Variants in MAGEE2 observed in about 807,000 individuals in gnomAD.
MAGEE2 encodes the protein melanoma-associated antigen E2.
For missense variants in MAGEE2, 508 were observed against 391.1 expected (o/e 1.30, Z -2.52); for synonymous variants, 189 against 155.4 (o/e 1.22, Z -1.61).
In MAGEE2 at chrX:75,785,142, G is replaced by GC; in HGVS notation, c.-92dup. On this transcript the variant is annotated 5_prime_UTR_variant, in exon 1 of 1. Transcript: ENST00000373359. The stretch of plus-strand genomic sequence containing the variant: ...GTTGGTGCCTCGGCACAAAGCTGAA[G>GC]CCCGAGACCCTGGAGCTGGAAGGAT... 1.0e-6 allele frequency: 1 copy of GC among 961,086 alleles called. No individual in the cohort carries two copies. 79.2% of individuals were successfully genotyped at this position (961,086 alleles called of 1,213,427 possible).
chrX:75,784,000 T>A lies in MAGEE2; in HGVS notation c.1052A>T (p.Asn351Ile). The A allele has an allele frequency of 8.3e-7, 1 of 1,209,810 alleles. No individual in the cohort carries two copies. The highest frequency in any genetic ancestry group is 1.1e-6 in the Non-Finnish European group (1 of 895,515). The stretch of plus-strand genomic sequence containing the variant: ...AATTAGAGTAGCTCTATTGAGGATA[T>A]TTGGGAACACATCCTCAAATTCTTT... Reference protein sequence around the residue: ...TGKEFEDVFPNILNRATLILD... With the variant: ...TGKEFEDVFPIILNRATLILD... The change falls in exon 1 of 1, where the codon AAT (asparagine) becomes ATT (isoleucine). Residue 351 changes from asparagine to isoleucine, a missense_variant. Transcript: ENST00000373359.
At position 75,784,553 on chromosome X, in the gene MAGEE2, T is replaced by G; in HGVS notation, c.499A>C (p.Arg167=). 1 of 1,211,200 alleles carries G rather than the reference T, an allele frequency of 8.3e-7. No individual in the cohort carries two copies. Among genetic ancestry groups the G allele is most frequent in the Non-Finnish European group, 1.1e-6 (1 of 895,284 alleles). ...GGCATGTCCAGGGACTCCGCTATCC[T>G]ATCGGTGATCTGGAAACCCCGTTTG... The part of the protein sequence containing the change: ...VSKRGFQITD[R]IAESLDMPKA... The change falls in exon 1 of 1, where the codon AGG becomes CGG. Residue 167 remains arginine, a synonymous_variant. Coordinates refer to ENST00000373359, the MANE Select transcript of MAGEE2 (RefSeq NM_138703.5).
Position 75,784,147 on chromosome X carries a change from C to A in MAGEE2, c.905G>T (p.Gly302Val). 8.3e-7 allele frequency: 1 copy of A among 1,211,803 alleles called. No homozygotes were observed. The highest frequency in any genetic ancestry group is 3.0e-5 in the East Asian group (1 of 33,828). ...DKTKERSLTA[G>V]LEFWSEDTMN... ...AGTGTCCTCCGACCAGAACTCTAAG[C>A]CAGCAGTCAGGCTTCTTTCTTTGGT... Residue 302 changes from glycine to valine, a missense_variant, in exon 1 of 1, where the codon GGC (glycine) becomes GTC (valine). Coordinates refer to ENST00000373359, the MANE Select transcript of MAGEE2 (RefSeq NM_138703.5).
rs773595919 is a variant in MAGEE2 at position 75,783,682 on chromosome X, T to G, written c.1370A>C (p.Tyr457Ser). Residue 457 changes from tyrosine (Y) to serine (S), a missense_variant, in exon 1 of 1, where the codon TAC (tyrosine) becomes TCC (serine). Tyr to Ser is a moderately radical substitution (Grantham distance 144, BLOSUM62 -2). Coordinates refer to ENST00000373359, the MANE Select transcript of MAGEE2 (RefSeq NM_138703.5). Reference sequence around the variant, plus strand: ...AAGCTCATATTCAACTGGATTAGAGTAGGACAGTGGCCTGCATTCCAGATA... The same window carrying G: ...AAGCTCATATTCAACTGGATTAGAGGAGGACAGTGGCCTGCATTCCAGATA... ...QRYLECRPLS[Y>S]SNPVEYELLW... The G allele has an allele frequency of 5.8e-6, 7 of 1,211,467 alleles. No individual in the cohort carries two copies. In the Admixed American group the frequency reaches 1.3e-4, roughly 23 times the overall value.
Position 75,784,262 on chromosome X carries a change from T to C in MAGEE2, c.790A>G (p.Met264Val), listed in dbSNP as rs368765811. 3.3e-6 allele frequency: 4 copies of C among 1,209,894 alleles called. No homozygotes were observed. In the African/African-American group the frequency reaches 5.3e-5, roughly 16 times the overall value. ...TCTGACACAAACTTCAGGGCTTCCATCTTTGTGATTTCCCTGTGGGCTCTA... is the reference window on the plus strand; with the variant it reads ...TCTGACACAAACTTCAGGGCTTCCACCTTTGTGATTTCCCTGTGGGCTCTA... Reference protein sequence around the residue: ...GSRAHREITKMEALKFVSDAH... With the variant: ...GSRAHREITKVEALKFVSDAH... The change falls in exon 1 of 1, where the codon ATG becomes GTG. Residue 264 changes from methionine (M) to valine (V), a missense_variant. Coordinates refer to ENST00000373359, the MANE Select transcript of MAGEE2 (RefSeq NM_138703.5).
Position 75,784,550 on chromosome X carries a change from T to A in MAGEE2, c.502A>T (p.Ile168Leu). 1 of 1,211,077 alleles carries A rather than the reference T, an allele frequency of 8.3e-7. No individual in the cohort carries two copies. Among genetic ancestry groups the A allele is most frequent in the Non-Finnish European group, 1.1e-6 (1 of 895,255 alleles). The change falls in exon 1 of 1, where the codon ATA (isoleucine) becomes TTA (leucine). Residue 168 changes from isoleucine to leucine, a missense_variant. Transcript: ENST00000373359. Reference sequence around the variant, plus strand: ...TTTGGCATGTCCAGGGACTCCGCTATCCTATCGGTGATCTGGAAACCCCGT... The same window carrying A: ...TTTGGCATGTCCAGGGACTCCGCTAACCTATCGGTGATCTGGAAACCCCGT... Reference protein sequence around the residue: ...SKRGFQITDRIAESLDMPKAS... With the variant: ...SKRGFQITDRLAESLDMPKAS...
Position 75,785,108 on chromosome X carries a change from C to T in MAGEE2, c.-57G>A. ...ATCAGCGATCAGTCGGAGAGAGGACCGCAGCAGTGTTGGTGCCTCGGCACA... is the reference window on the plus strand; with the variant it reads ...ATCAGCGATCAGTCGGAGAGAGGACTGCAGCAGTGTTGGTGCCTCGGCACA... On this transcript the variant is annotated 5_prime_UTR_variant, in exon 1 of 1. Coordinates refer to ENST00000373359, the MANE Select transcript of MAGEE2 (RefSeq NM_138703.5). 1.9e-6 allele frequency: 2 copies of T among 1,075,920 alleles called. No individual in the cohort carries two copies. The highest frequency in any genetic ancestry group is 2.4e-6 in the Non-Finnish European group (2 of 823,221). The allele number at this position is 1,075,920 out of a possible 1,213,427, so 88.7% of individuals were successfully genotyped here.
rs779558072 is a variant in MAGEE2, at chrX:75,784,535, C to A, written c.517G>T (p.Asp173Tyr). 4.1e-6 allele frequency: 5 copies of A among 1,211,057 alleles called. No homozygotes were observed. In the Admixed American group the frequency reaches 6.5e-5, roughly 16 times the overall value. Reference protein sequence around the residue: ...QITDRIAESLDMPKASLLALV... With the variant: ...QITDRIAESLYMPKASLLALV... ...GCCAGGAGACTTGCTTTTGGCATGT[C>A]CAGGGACTCCGCTATCCTATCGGTG... Residue 173 changes from aspartate (D) to tyrosine (Y), a missense_variant, in exon 1 of 1, where the codon GAC becomes TAC. Asp to Tyr is a radical substitution (Grantham distance 160, BLOSUM62 -3). Transcript: ENST00000373359.
Position 75,784,865 on chromosome X carries a change from G to A in MAGEE2, c.187C>T (p.Gln63Ter), listed in dbSNP as rs1241822276. 1 of 1,204,742 alleles carries A rather than the reference G, an allele frequency of 8.3e-7. No homozygotes were observed. Among genetic ancestry groups the A allele is most frequent in the Non-Finnish European group, 1.1e-6 (1 of 892,167 alleles). ...AGGACCTCCAGGTCATTCGGGTCCT[G>A]AACGGCCTGGGAAGTGTTGACACAC... Reference protein sequence around the residue: ...SQCVNTSQAVQDPNDLEVLID... With the variant: ...SQCVNTSQAV Residue 63 changes from glutamine to a stop codon, truncating the protein, a stop_gained, in exon 1 of 1, where the codon CAG (glutamine) becomes TAG (stop). Transcript: ENST00000373359. LOFTEE classifies it low-confidence loss of function (END_TRUNC).
In MAGEE2 at chrX:75,783,192, A is replaced by C; in HGVS notation, c.*288T>G. 3.4e-6 allele frequency: 1 copy of C among 297,473 alleles called. No individual in the cohort carries two copies. The highest frequency in any genetic ancestry group is 5.9e-6 in the Non-Finnish European group (1 of 170,097). The allele number at this position is 297,473 out of a possible 1,213,427, so 24.5% of individuals were successfully genotyped here. A position where few individuals can be genotyped will look rare whatever the true frequency, so the allele number is the denominator to read the frequency against. On this transcript the variant is annotated 3_prime_UTR_variant, in exon 1 of 1. Transcript: ENST00000373359. ...CAGACCATTTTACTGATTATTTCAA[A>C]GATGTAAATATTATCAATACATTTT...
In MAGEE2 at chrX:75,784,740, C is replaced by T. The variant is rs760259403; in HGVS notation, c.312G>A (p.Gln104=). 9.1e-6 allele frequency: 11 copies of T among 1,211,643 alleles called. No individual in the cohort carries two copies. Among genetic ancestry groups the T allele is most frequent in the Non-Finnish European group, 1.1e-5 (10 of 895,524 alleles). Residue 104 remains glutamine (Q), a synonymous_variant, in exon 1 of 1, where the codon CAG becomes CAA. Transcript: ENST00000373359. ...CGGACTGCTGGATAGACCCCTCCGT[C>T]TGGCTTTTCATTCTCATGAAATTCA... is the stretch of plus-strand genomic sequence containing the variant. ...ALVNFMRMKS[Q]TEGSIQQSEM...
At position 75,783,957 on chromosome X, in the gene MAGEE2, C is replaced by T. The variant is rs113009926; in HGVS notation, c.1095G>A (p.Gly365=). 8 of 1,209,627 alleles carry T rather than the reference C, an allele frequency of 6.6e-6. No individual in the cohort carries two copies. In the African/African-American group the frequency reaches 1.4e-4, roughly 21 times the overall value. ...TGGTATCAACCTCAATCAGAGACAA[C>T]CCATAGAACATATCAAGAATTAGAG... ...RATLILDMFY[G]LSLIEVDTSE... The change falls in exon 1 of 1, where the codon GGG becomes GGA. Residue 365 remains glycine, a synonymous_variant. Coordinates refer to ENST00000373359, the MANE Select transcript of MAGEE2 (RefSeq NM_138703.5).
At position 75,784,314 on chromosome X, in the gene MAGEE2, G is replaced by A. The variant is rs774412335; in HGVS notation, c.738C>T (p.Pro246=). 3.3e-6 allele frequency: 4 copies of A among 1,211,702 alleles called. No individual in the cohort carries two copies. The highest frequency in any genetic ancestry group is 5.9e-5 in the East Asian group (2 of 33,805). Residue 246 remains proline (P), a synonymous_variant, in exon 1 of 1, where the codon CCC becomes CCT. Coordinates refer to ENST00000373359, the MANE Select transcript of MAGEE2 (RefSeq NM_138703.5). The stretch of plus-strand genomic sequence containing the variant: ...AGCCCCACAAGAACTCAAACTCAAG[G>A]GGATTAGTGCCATACACCGGCCAGT... The part of the protein sequence containing the change: ...LEYWPVYGTN[P]LEFEFLWGSR...
chrX:75,783,545 C>T lies in MAGEE2; in HGVS notation c.1507G>A (p.Val503Met). Residue 503 changes from valine to methionine, a missense_variant, in exon 1 of 1, where the codon GTG becomes ATG. Coordinates refer to ENST00000373359, the MANE Select transcript of MAGEE2 (RefSeq NM_138703.5). ...QNWPEQYREA[V>M]EDEEARAKSE... ...TTGGCTCTGGCCTCCTCATCTTCCA[C>T]AGCCTCCCTATATTGTTCTGGCCAG... The T allele has an allele frequency of 8.3e-7, 1 of 1,211,031 alleles. No homozygotes were observed. Among genetic ancestry groups the T allele is most frequent in the East Asian group, 3.0e-5 (1 of 33,824 alleles).
Position 75,783,624 on chromosome X carries a change from G to T in MAGEE2, c.1428C>A (p.Ile476=), listed in dbSNP as rs1443895268. The part of the protein sequence containing the change: ...LWGPRAHHET[I]KMKVLEYMAR... ...CCATGTACTCCAAGACTTTCATTTTGATGGTTTCATGGTGAGCTCGAGGAC... is the reference window on the plus strand; with the variant it reads ...CCATGTACTCCAAGACTTTCATTTTTATGGTTTCATGGTGAGCTCGAGGAC... The change falls in exon 1 of 1, where the codon ATC becomes ATA. Residue 476 remains isoleucine, a synonymous_variant. Transcript: ENST00000373359. 10 of 1,209,645 alleles carry T rather than the reference G, an allele frequency of 8.3e-6. No individual in the cohort carries two copies. The highest frequency in any genetic ancestry group is 1.0e-5 in the Non-Finnish European group (9 of 895,248).
In MAGEE2 at chrX:75,783,991, T is replaced by C. The variant is rs1392176167; in HGVS notation, c.1061A>G (p.Asn354Ser). The C allele has an allele frequency of 2.5e-6, 3 of 1,210,042 alleles. No individual in the cohort carries two copies. The highest frequency in any genetic ancestry group is 3.4e-6 in the Non-Finnish European group (3 of 895,520). ...CATATCAAGAATTAGAGTAGCTCTA[T>C]TGAGGATATTTGGGAACACATCCTC... ...EFEDVFPNILNRATLILDMFY... is the reference protein window; with the variant it reads ...EFEDVFPNILSRATLILDMFY... Residue 354 changes from asparagine to serine, a missense_variant, in exon 1 of 1, where the codon AAT (asparagine) becomes AGT (serine). Asn to Ser is a conservative substitution (Grantham distance 46). Transcript: ENST00000373359.
Position 75,784,959 on chromosome X carries a change from G to A in MAGEE2, c.93C>T (p.Ala31=). ...DGRGEIQATN[A]SGSPTSMLVV... is the part of the protein sequence containing the mutation. The stretch of plus-strand genomic sequence containing the variant: ...CTAGCATGGAGGTGGGGGACCCGGA[G>A]GCGTTAGTAGCTTGTATTTCACCTC... The change falls in exon 1 of 1, where the codon GCC becomes GCT. Residue 31 remains alanine (A), a synonymous_variant. Transcript: ENST00000373359. 8.7e-7 allele frequency: 1 copy of A among 1,150,009 alleles called. No individual in the cohort carries two copies. The highest frequency in any genetic ancestry group is 1.2e-6 in the Non-Finnish European group (1 of 866,730). The allele number at this position is 1,150,009 out of a possible 1,213,427, so 94.8% of individuals were successfully genotyped here.
In MAGEE2 at chrX:75,784,776, C is replaced by G. The variant is rs1213789496; in HGVS notation, c.276G>C (p.Ser92=). The change falls in exon 1 of 1, where the codon TCG becomes TCC. Residue 92 remains serine (S), a synonymous_variant. Coordinates refer to ENST00000373359, the MANE Select transcript of MAGEE2 (RefSeq NM_138703.5). Reference sequence around the variant, plus strand: ...TTCTCATGAAATTCACCAAAGCAATCGACCTGTCTTCTAGAGGGTCATGGA... The same window carrying G: ...TTCTCATGAAATTCACCAAAGCAATGGACCTGTCTTCTAGAGGGTCATGGA... The part of the protein sequence containing the change: ...LRVHDPLEDR[S]IALVNFMRMK... The G allele has an allele frequency of 8.3e-7, 1 of 1,209,528 alleles. No individual in the cohort carries two copies. The highest frequency in any genetic ancestry group is 1.1e-6 in the Non-Finnish European group (1 of 895,158).
Position 75,783,624 on chromosome X carries a change from G to A in MAGEE2, c.1428C>T (p.Ile476=). ...LWGPRAHHET[I]KMKVLEYMAR... ...CCATGTACTCCAAGACTTTCATTTT[G>A]ATGGTTTCATGGTGAGCTCGAGGAC... Residue 476 remains isoleucine, a synonymous_variant, in exon 1 of 1, where the codon ATC becomes ATT. Coordinates refer to ENST00000373359, the MANE Select transcript of MAGEE2 (RefSeq NM_138703.5). 2 of 1,211,561 alleles carry A rather than the reference G, an allele frequency of 1.7e-6. No homozygotes were observed. Among genetic ancestry groups the A allele is most frequent in the Non-Finnish European group, 2.2e-6 (2 of 895,517 alleles).
Sources: gnomAD v4.1 joint callset for allele counts on GRCh38, gnomAD v4.1.1 for gene constraint, MANE v1.5 for transcripts, NCBI Gene and HGNC (gene_info 2026-07-23, HGNC 2026-07-21) for gene names.